DPP10: variants seen among roughly 807,000 people sequenced by gnomAD.
DPP10 encodes inactive dipeptidyl peptidase 10.
DPP10 carries 33 observed loss-of-function variants against 120.9 expected under a neutral mutation model. The observed-to-expected ratio is 0.27, with a 90% confidence interval of 0.21 to 0.37. DPP10 has a LOEUF of 0.37. DPP10 is among the 10% of genes least tolerant of loss of function. DPP10 has a pLI of 1.00. For missense variants in DPP10, 816 were observed against 942.8 expected, an observed-to-expected ratio of 0.87 and a Z score of 1.76; for synonymous variants, 337 against 326.1, an observed-to-expected ratio of 1.03 and a Z score of -0.36.
chr2:114,493,127 A>G (rs1016848263), intron 1 of DPP10, among the ~76,000 whole-genome samples: 35 of 152,234 alleles, frequency 2.3e-4, no homozygotes, highest in African/African-American at 8.2e-4. Context: ...CTCAGTGTGC[A>G]TTCCTATACA....
At chr2:114,522,421 T>C (rs1355757501) in intron 1 of DPP10, among the ~76,000 whole-genome samples, 1 of 152,002 alleles carries the variant, frequency 6.6e-6, no homozygotes, top group Admixed American at 6.5e-5. Context: ...AACCTAACCA[T>C]AGAAGATAAA....
At chr2:114,618,617 T>C (rs1419194039) in intron 1 of DPP10, among the ~76,000 whole-genome samples, 1 of 152,022 alleles carries the variant, frequency 6.6e-6, no homozygotes, top group Non-Finnish European at 1.5e-5. Context: ...TTATTTTAAA[T>C]AATAATACTA....
intron 1 of DPP10, among the ~76,000 whole-genome samples, chr2:115,172,783 A>G (rs184457372): frequency 5.8e-4 from 89 of 152,322 alleles, no homozygotes; most frequent in African/African-American, 2.0e-3. Context: ...TATACCGGAC[A>G]TAGACAGAGC....
intron 1 of DPP10, among the ~76,000 whole-genome samples, chr2:115,006,833 C>A (rs1261853515): frequency 1.3e-5 from 2 of 151,502 alleles, no homozygotes; most frequent in Non-Finnish European, 3.0e-5. Context: ...AACAAGGATA[C>A]CCAGGAATTG....
intron 1 of DPP10, among the ~76,000 whole-genome samples, chr2:114,713,796 G>A (rs1280548067): frequency 2.0e-5 from 3 of 151,894 alleles, no homozygotes; most frequent in African/African-American, 7.3e-5. Context: ...GACCAGCCTG[G>A]CCAACATGGT....
chr2:114,689,562 A>G (rs1186968856), intron 1 of DPP10, among the ~76,000 whole-genome samples: 1 of 151,920 alleles, frequency 6.6e-6, no homozygotes, highest in African/African-American at 2.4e-5. Context: ...ATACATCTTC[A>G]TATAGTATAA....
chr2:114,997,774 G>T (rs772703552), intron 1 of DPP10, among the ~76,000 whole-genome samples: 15 of 152,246 alleles, frequency 9.9e-5, no homozygotes, highest in South Asian at 2.1e-4. Flanking sequence ...TGATATACTG[G>T]CTGAGTGTCC....
At chr2:115,474,243 CTT>C (rs35123389) in intron 3 of DPP10, among the ~76,000 whole-genome samples, 1 of 152,092 alleles carries the variant, frequency 6.6e-6, no homozygotes. Flanking sequence ...CAAGAGAAAA[CTT>C]TTCTGTTTTG....
intron 1 of DPP10, among the ~76,000 whole-genome samples, chr2:114,810,130 C>T (rs1223295909): frequency 1.3e-5 from 2 of 152,150 alleles, no homozygotes; most frequent in Non-Finnish European, 2.9e-5. Flanking sequence ...AATAGTGTGC[C>T]TTTGTTTCTC....
At chr2:115,396,901 C>G (rs2067718254) in intron 3 of DPP10, among the ~76,000 whole-genome samples, 2 of 152,032 alleles carry the variant, frequency 1.3e-5, no homozygotes, top group South Asian at 4.2e-4. Flanking sequence ...TGAAAAATCT[C>G]CTATCTCCTT....
At chr2:115,467,274 G>T (rs1459439913) in intron 3 of DPP10, among the ~76,000 whole-genome samples, 1 of 151,918 alleles carries the variant, frequency 6.6e-6, no homozygotes, top group East Asian at 1.9e-4. Context: ...TAAAACAAGA[G>T]ACACTGGCCA....
chr2:114,709,378 C>T (rs1700882997), intron 1 of DPP10, among the ~76,000 whole-genome samples: 5 of 152,160 alleles, frequency 3.3e-5, no homozygotes, highest in Admixed American at 6.5e-5. Flanking sequence ...TAAGTGACTT[C>T]CCTGACTCAT....
At chr2:115,605,002 A>G (rs977986457) in intron 5 of DPP10, among the ~76,000 whole-genome samples, 4 of 152,182 alleles carry the variant, frequency 2.6e-5, no homozygotes. Flanking sequence ...TACTGCATAA[A>G]GAGAGTTTGA....
intron 1 of DPP10, among the ~76,000 whole-genome samples, chr2:114,788,167 T>C (rs933055012): frequency 1.3e-5 from 2 of 152,096 alleles, no homozygotes; most frequent in African/African-American, 4.8e-5. Context: ...TATAATTAAA[T>C]TGAACTATAT....
chr2:115,716,481 T>C (rs1172420117), intron 7 of DPP10, among the ~76,000 whole-genome samples: 1 of 152,154 alleles, frequency 6.6e-6, no homozygotes, highest in Non-Finnish European at 1.5e-5. Context: ...CTCAGGGAAG[T>C]ATTCTAACTG....
At chr2:115,594,464 C>CA (rs1349036375) in intron 5 of DPP10, among the ~76,000 whole-genome samples, 2 of 152,094 alleles carry the variant, frequency 1.3e-5, no homozygotes, top group African/African-American at 4.8e-5. Flanking sequence ...ATGTTTTAAA[C>CA]AAAAAAAGTC....
At chr2:114,607,224 T>C (rs1692887755) in intron 1 of DPP10, among the ~76,000 whole-genome samples, 1 of 152,114 alleles carries the variant, frequency 6.6e-6, no homozygotes, top group African/African-American at 2.4e-5. Flanking sequence ...GGAACACAGT[T>C]CTCCATGCTG....
Position 115,459,938 on chromosome 2 carries a change from T to TATATATATATATATAC in DPP10, c.272-39571_272-39570insTATATATATATATACA, listed in dbSNP as rs66927327. On this transcript the variant is annotated intron_variant, in intron 3 of 25. Coordinates refer to ENST00000410059, the MANE Select transcript of DPP10 (RefSeq NM_020868.6). Reference sequence around the variant, plus strand: ...AAAACATATATTTTATATATATATATACACACACACACCTTTGTTTGCATT... The same window carrying TATATATATATATATAC: ...AAAACATATATTTTATATATATATATATATATATATATATACACACACACACACCTTTGTTTGCATT... Among the ~76,000 whole-genome samples, 589 of 128,504 alleles carry TATATATATATATATAC rather than the reference T, an allele frequency of 4.6e-3. 4 individuals carry two copies. Among genetic ancestry groups the TATATATATATATATAC allele is most frequent in the Non-Finnish European group, 5.9e-3 (361 of 61,332 alleles). 84.3% of individuals were successfully genotyped at this position (128,504 alleles called of 152,430 possible). A position where few individuals can be genotyped will look rare whatever the true frequency, so the allele number is the denominator to read the frequency against.
chr2:114,603,051 G>T (rs1369457591), intron 1 of DPP10, among the ~76,000 whole-genome samples: 1 of 152,028 alleles, frequency 6.6e-6, no homozygotes, highest in East Asian at 1.9e-4. Context: ...CTCATTGTCT[G>T]TCTTGCCATC....
Sources: gnomAD v4.1 joint callset for allele counts (sites outside exome capture counted in the v4.1 genomes callset) on GRCh38, gnomAD v4.1.1 for gene constraint, MANE v1.5 for transcripts, NCBI Gene and HGNC (gene_info 2026-07-23, HGNC 2026-07-21) for gene names.